RHBDL3: variants seen among roughly 807,000 people sequenced by gnomAD.
RHBDL3 encodes the protein rhomboid like 3.
Under a neutral mutation model 48.2 loss-of-function variants are expected in RHBDL3, and 28 were observed. The ratio of observed to expected loss-of-function variants is 0.58; its 90% confidence interval spans 0.43 to 0.80. RHBDL3 has a LOEUF of 0.80. Ranked by LOEUF, RHBDL3 falls within the 30% of genes least tolerant of loss-of-function variation. The pLI is 0.00. For synonymous variants in RHBDL3, 208 were observed against 232.3 expected (o/e 0.90, Z 0.95); for missense variants, 464 against 542.7 (o/e 0.85, Z 1.44).
At chr17:32,312,322 C>T (rs558497298) in intron 7 of RHBDL3, among the ~76,000 whole-genome samples, 1 of 152,146 alleles carries the variant, frequency 6.6e-6, no homozygotes, top group South Asian at 2.1e-4. Context: ...ACAGTCCCAG[C>T]TAGTTGGGAG....
At chr17:32,304,200 A>ATC (rs1304001924) in intron 6 of RHBDL3, among the ~76,000 whole-genome samples, 1 of 152,000 alleles carries the variant, frequency 6.6e-6, no homozygotes, top group East Asian at 1.9e-4. Flanking sequence ...GTATGACATC[A>ATC]TCTCTCTCTC....
chr17:32,299,605 T>G (rs982619177), intron 6 of RHBDL3, among the ~76,000 whole-genome samples: 1 of 152,196 alleles, frequency 6.6e-6, no homozygotes, highest in African/African-American at 2.4e-5. Flanking sequence ...TTGCAGTTAG[T>G]ATTCAATTAG....
At chr17:32,320,897 A>G in intron 8 of RHBDL3, 61 bp from the exon 9 acceptor site, 1 of 1,216,444 alleles carries the variant, frequency 8.2e-7, no homozygotes, top group Non-Finnish European at 1.2e-6. Flanking sequence ...TGATGAAGTG[A>G]AGGCCCTCAG....
At chr17:32,268,248 G>A (rs552061536) in intron 2 of RHBDL3, among the ~76,000 whole-genome samples, 21 of 152,172 alleles carry the variant, frequency 1.4e-4, no homozygotes, top group Non-Finnish European at 2.6e-4. Context: ...TAGGGGGCTG[G>A]AGAGGTGGGG....
At position 32,316,360 on chromosome 17, in the gene RHBDL3, G is replaced by T. The variant is rs530828853; in HGVS notation, c.943+68G>T. 1.3e-5 allele frequency: 16 copies of T among 1,199,642 alleles called. No individual in the cohort carries two copies. The South Asian group carries it at 2.0e-4, about 15-fold the overall frequency. 74.3% of individuals were successfully genotyped at this position (1,199,642 alleles called of 1,614,324 possible). On this transcript the variant is annotated intron_variant, in intron 8 of 8. Coordinates refer to ENST00000269051, the MANE Select transcript of RHBDL3 (RefSeq NM_138328.3). ...GGGCCTGAGGTTCAAAGATGGCACA[G>T]TTCCTGCCCTTCACGGGCTTATGGT...
At chr17:32,298,663 G>A (rs2040511396) in intron 6 of RHBDL3, among the ~76,000 whole-genome samples, 3 of 152,244 alleles carry the variant, frequency 2.0e-5, no homozygotes, top group African/African-American at 7.2e-5. Flanking sequence ...GGGAATCAAA[G>A]GGGTGAGTGG....
chr17:32,304,920 C>G (rs977503128), intron 6 of RHBDL3, among the ~76,000 whole-genome samples: 2 of 152,056 alleles, frequency 1.3e-5, no homozygotes, highest in African/African-American at 2.4e-5. Flanking sequence ...GAATTTGAGA[C>G]CAGCCTGGGC....
At chr17:32,284,846 G>A (rs376262810) in intron 3 of RHBDL3, 29 bp downstream of exon 3, 161 of 1,601,684 alleles carry the variant, frequency 1.0e-4, no homozygotes, top group Middle Eastern at 1.0e-3. Flanking sequence ...TTGGTACTCG[G>A]GGGGACCTGT....
chr17:32,311,566 C>T (rs2040848655), intron 7 of RHBDL3, among the ~76,000 whole-genome samples: 2 of 152,192 alleles, frequency 1.3e-5, no homozygotes, highest in South Asian at 4.1e-4. Flanking sequence ...TGAACCAGCC[C>T]TCCTGAATCC....
In RHBDL3 at chr17:32,312,440, G is replaced by GA. The variant is rs893679323; in HGVS notation, c.883-3784dup. ...ATAGAGTAAGACCCTGTCTCAAAAGGAAAAAAAAGAAAAATAATAAGATAT... is the reference window on the plus strand; with the variant it reads ...ATAGAGTAAGACCCTGTCTCAAAAGGAAAAAAAAAGAAAAATAATAAGATAT... On this transcript the variant is annotated intron_variant, in intron 7 of 8. Transcript: ENST00000269051. Among the ~76,000 whole-genome samples the GA allele has an allele frequency of 2.3e-4, 35 of 151,392 alleles. 1 individual carries two copies. Among genetic ancestry groups the GA allele is most frequent in the African/African-American group, 8.0e-4 (33 of 41,346 alleles).
intron 4 of RHBDL3, among the ~76,000 whole-genome samples, chr17:32,289,571 A>C (rs2040278415): frequency 6.6e-6 from 1 of 152,208 alleles, no homozygotes; most frequent in Admixed American, 6.5e-5. Context: ...TGAACAGGTA[A>C]ATATGGGCTT....
intron 3 of RHBDL3, among the ~76,000 whole-genome samples, chr17:32,285,910 C>T (rs1371589298): frequency 1.3e-5 from 2 of 152,206 alleles, no homozygotes; most frequent in African/African-American, 4.8e-5. Flanking sequence ...TTTCAACAGC[C>T]TCTTGGCTGA....
intron 6 of RHBDL3, among the ~76,000 whole-genome samples, chr17:32,302,391 C>CT (rs2040604126): frequency 1.3e-5 from 2 of 152,020 alleles, no homozygotes; most frequent in African/African-American, 4.8e-5. Context: ...AAGTCTTGCT[C>CT]TGTCATCCAG....
At chr17:32,318,189 C>T (rs1455278897) in intron 8 of RHBDL3, among the ~76,000 whole-genome samples, 2 of 151,600 alleles carry the variant, frequency 1.3e-5, no homozygotes, top group Non-Finnish European at 2.9e-5. Flanking sequence ...TGTCTCCACA[C>T]ACACACACAC....
intron 1 of RHBDL3, 83 bp downstream of exon 1, chr17:32,266,383 A>G (rs1205691553): frequency 4.3e-6 from 3 of 698,370 alleles, no homozygotes; most frequent in Non-Finnish European, 6.4e-6. Flanking sequence ...ACGCCGGGCA[A>G]CTTGGAGGTT....
rs1361255191 is a variant in RHBDL3, at chr17:32,324,515, C to T, written c.*3286C>T. ...AGTGCCCAACAGTGAACTGCCCCTC[C>T]GAGGACTTGAGTAAGTGGAAAAAAC... On this transcript the variant is annotated 3_prime_UTR_variant, in exon 9 of 9. Coordinates refer to ENST00000269051, the MANE Select transcript of RHBDL3 (RefSeq NM_138328.3). The T allele has an allele frequency of 2.0e-5, 3 of 152,618 alleles. No individual in the cohort carries two copies. Among genetic ancestry groups the T allele is most frequent in the South Asian group, 2.1e-4 (1 of 4,830 alleles). 9.5% of individuals were successfully genotyped at this position (152,618 alleles called of 1,614,324 possible). A position where few individuals can be genotyped will look rare whatever the true frequency, so the allele number is the denominator to read the frequency against.
At chr17:32,270,983 C>T (rs951427078) in intron 2 of RHBDL3, among the ~76,000 whole-genome samples, 12 of 152,088 alleles carry the variant, frequency 7.9e-5, no homozygotes, top group African/African-American at 2.9e-4. Context: ...ATCGCTTGAG[C>T]CCAGGAGTTA....
chr17:32,272,808 C>T (rs913234998), intron 2 of RHBDL3, among the ~76,000 whole-genome samples: 31 of 152,312 alleles, frequency 2.0e-4, no homozygotes, highest in South Asian at 4.1e-4. Flanking sequence ...TTTGAGCGAA[C>T]GACAGGTCGA....
At chr17:32,293,324 G>A (rs1057382087) in intron 4 of RHBDL3, among the ~76,000 whole-genome samples, 1 of 152,136 alleles carries the variant, frequency 6.6e-6, no homozygotes, top group Non-Finnish European at 1.5e-5. Context: ...GCTCATGCCT[G>A]TAATCCCAGC....
Sources: gnomAD v4.1 joint callset for allele counts (sites outside exome capture counted in the v4.1 genomes callset) on GRCh38, gnomAD v4.1.1 for gene constraint, MANE v1.5 for transcripts, NCBI Gene and HGNC (gene_info 2026-07-23, HGNC 2026-07-21) for gene names.